ADGRL2: variants seen among roughly 807,000 people sequenced by gnomAD.
ADGRL2 encodes calcium-independent alpha-latrotoxin receptor 2.
ADGRL2 carries 44 observed loss-of-function variants against 157.4 expected under a neutral mutation model. The observed-to-expected ratio is 0.28, with a 90% CI of 0.22 to 0.36. The LOEUF is 0.36. Among genes scored for constraint, ADGRL2 ranks in the 10% least tolerant of loss-of-function variants. ADGRL2 has a pLI of 1.00. For missense variants in ADGRL2, 1,510 were observed against 1,768.9 expected (o/e 0.85, Z 2.63); for synonymous variants, 585 against 624.7 (o/e 0.94, Z 0.95).
intron 3 of ADGRL2, among the ~76,000 whole-genome samples, chr1:81,929,934 AC>A (rs1374758522): frequency 2.0e-5 from 3 of 152,146 alleles, no homozygotes; most frequent in African/African-American, 7.2e-5. Flanking sequence ...AGAAGATACT[AC>A]GTTTTACAGA....
chr1:81,365,077 C>T (rs933067774), intron 1 of ADGRL2, among the ~76,000 whole-genome samples: 10 of 152,102 alleles, frequency 6.6e-5, no homozygotes, highest in African/African-American at 2.2e-4. Context: ...GAGCTGACGC[C>T]CTGAGGCTGG....
chr1:81,970,369 C>A lies in ADGRL2; in HGVS notation c.2789C>A (p.Ala930Asp). 6.3e-7 allele frequency: 1 copy of A among 1,596,882 alleles called. No individual in the cohort carries two copies. The highest frequency in any genetic ancestry group is 8.5e-7 in the Non-Finnish European group (1 of 1,174,940). The change falls in exon 16 of 24, where the codon GCT becomes GAT. Residue 930 changes from alanine to aspartate, a missense_variant. By Grantham distance (126) the Ala-to-Asp change is moderately radical. Around this residue, in one of 4 missense-constraint regions of ADGRL2, gnomAD observed 497 missense variants for 627.2 expected, o/e 0.79. Transcript: ENST00000686636. ...LLHFFFLAAF[A>D]WMCLEGVQLY... ...CACTTTTTCTTTTTGGCAGCTTTTG[C>A]TTGGATGTGCCTAGAAGGTGTGCAG...
intron 1 of ADGRL2, among the ~76,000 whole-genome samples, chr1:81,348,753 T>C (rs1368264440): frequency 1.3e-5 from 2 of 152,170 alleles, no homozygotes; most frequent in Non-Finnish European, 2.9e-5. Flanking sequence ...TGATATAAAA[T>C]ATGAGATGGC....
intron 1 of ADGRL2, among the ~76,000 whole-genome samples, chr1:81,713,928 G>T (rs1419090242): frequency 6.6e-6 from 1 of 152,152 alleles, no homozygotes; most frequent in Non-Finnish European, 1.5e-5. Flanking sequence ...AAGGTTTAAT[G>T]GTCTCACAGT....
At chr1:81,448,064 C>T (rs774305959) in intron 2 of ADGRL2, among the ~76,000 whole-genome samples, 1 of 151,710 alleles carries the variant, frequency 6.6e-6, no homozygotes, top group Non-Finnish European at 1.5e-5. Flanking sequence ...CAAGAAGATC[C>T]TGCCATGCTT....
At chr1:81,559,095 CT>C (rs1198373659) in intron 2 of ADGRL2, among the ~76,000 whole-genome samples, 1 of 152,138 alleles carries the variant, frequency 6.6e-6, no homozygotes, top group Non-Finnish European at 1.5e-5. Context: ...ATTTGGTCAT[CT>C]TCCCACCATA....
At chr1:81,543,499 T>C (rs1226626337) in intron 2 of ADGRL2, among the ~76,000 whole-genome samples, 1 of 152,240 alleles carries the variant, frequency 6.6e-6, no homozygotes, top group Admixed American at 6.5e-5. Context: ...GTTAAAGCGG[T>C]ATGAATGGAC....
At chr1:81,929,446 A>G (rs187924530) in intron 3 of ADGRL2, among the ~76,000 whole-genome samples, 14 of 152,320 alleles carry the variant, frequency 9.2e-5, no homozygotes, top group African/African-American at 3.4e-4. Context: ...TTGGAGCATG[A>G]CTGGAGAAAC....
intron 2 of ADGRL2, among the ~76,000 whole-genome samples, chr1:81,580,643 C>T (rs1409103278): frequency 6.6e-6 from 1 of 151,950 alleles, no homozygotes; most frequent in Admixed American, 6.6e-5. Context: ...ACATAGAAGC[C>T]CTTGATGATT....
intron 3 of ADGRL2, among the ~76,000 whole-genome samples, chr1:81,652,281 C>G (rs1000620657): frequency 6.6e-6 from 1 of 152,160 alleles, no homozygotes; most frequent in Non-Finnish European, 1.5e-5. Context: ...TCTCTGAACA[C>G]AACATCCTTA....
At chr1:81,521,296 C>A (rs2079308783) in intron 2 of ADGRL2, among the ~76,000 whole-genome samples, 1 of 152,010 alleles carries the variant, frequency 6.6e-6, no homozygotes, top group Non-Finnish European at 1.5e-5. Context: ...TATTATTTTC[C>A]ATCCTTTAAA....
rs1335315813 is a variant in ADGRL2, at chr1:81,876,981, G to A, written c.74-30036G>A. ...AGATCAAATTCCTTCCCTGAGCCAG[G>A]ATTCTCTGAGTGCTCTTCTTAACCA... On this transcript the variant is annotated intron_variant, in intron 2 of 23. Transcript: ENST00000686636. 2.6e-5 allele frequency among the ~76,000 whole-genome samples: 4 copies of A among 152,180 alleles called. No homozygotes were observed. In the East Asian group the frequency reaches 7.7e-4, roughly 29 times the overall value.
intron 3 of ADGRL2, among the ~76,000 whole-genome samples, chr1:81,604,825 G>A (rs1343619592): frequency 6.6e-6 from 1 of 152,042 alleles, no homozygotes; most frequent in Admixed American, 6.6e-5. Flanking sequence ...CTCAGAGAGG[G>A]GAAAGAGAGG....
intron 3 of ADGRL2, 71 bp downstream of exon 3, chr1:81,907,301 C>A: frequency 7.6e-7 from 1 of 1,310,006 alleles, no homozygotes; most frequent in African/African-American, 1.5e-5. Context: ...ACAGTTATTC[C>A]AAAGCGAATG....
chr1:81,328,348 G>T (rs2100676541), intron 1 of ADGRL2, among the ~76,000 whole-genome samples: 1 of 152,180 alleles, frequency 6.6e-6, no homozygotes. Context: ...CACCAGAAGA[G>T]TTCCATCAGT....
At chr1:81,451,342 A>G (rs1286658048) in intron 2 of ADGRL2, among the ~76,000 whole-genome samples, 2 of 152,220 alleles carry the variant, frequency 1.3e-5, no homozygotes, top group African/African-American at 4.8e-5. Flanking sequence ...TTCAACAGTT[A>G]GATTGCATTT....
intron 19 of ADGRL2, 80 bp from the exon 20 acceptor site, chr1:81,984,503 G>T: frequency 1.5e-6 from 2 of 1,325,162 alleles, no homozygotes; most frequent in South Asian, 2.1e-5. Flanking sequence ...CTTTTCGGTT[G>T]TCTTCACTGT....
intron 2 of ADGRL2, among the ~76,000 whole-genome samples, chr1:81,866,792 G>A (rs1485498249): frequency 1.3e-5 from 2 of 152,118 alleles, no homozygotes; most frequent in Non-Finnish European, 2.9e-5. Flanking sequence ...ATAGCTTAAT[G>A]ATTCAGTTAT....
At chr1:81,813,741 C>T (rs1173261987) in intron 1 of ADGRL2, among the ~76,000 whole-genome samples, 3 of 151,656 alleles carry the variant, frequency 2.0e-5, no homozygotes, top group South Asian at 4.1e-4. Flanking sequence ...TATTTCTTAT[C>T]GTAGCTGGTT....
Sources: gnomAD v4.1 joint callset for allele counts (sites outside exome capture counted in the v4.1 genomes callset) on GRCh38, gnomAD v4.1.1 for gene constraint, gnomAD v4.1.1 regional missense constraint, MANE v1.5 for transcripts, NCBI Gene and HGNC (gene_info 2026-07-23, HGNC 2026-07-21) for gene names.